The following ZMAT4 variants were observed in gnomAD, a reference collection of about 807,000 sequenced individuals.
ZMAT4 encodes the protein zinc finger matrin-type protein 4.
In ZMAT4, 17 loss-of-function variants were observed where a neutral mutation model predicts 28.7. That is an observed-to-expected ratio of 0.59 (90% CI 0.41 to 0.89). The LOEUF is 0.89. ZMAT4 is among the 40% of genes least tolerant of loss of function. The pLI, the probability that ZMAT4 is intolerant of heterozygous loss-of-function variation, is 0.00. For synonymous variants in ZMAT4, 117 were observed against 109.2 expected (o/e 1.07, Z -0.44); for missense variants, 240 against 283.8 (o/e 0.85, Z 1.11).
At chr8:40,789,304 G>A (rs763933488) in intron 2 of ZMAT4, among the ~76,000 whole-genome samples, 14 of 152,152 alleles carry the variant, frequency 9.2e-5, no homozygotes, top group Non-Finnish European at 1.5e-4. Flanking sequence ...GTGAAAGACT[G>A]AATGTTTTTT....
intron 6 of ZMAT4, among the ~76,000 whole-genome samples, chr8:40,554,804 G>A (rs1252168156): frequency 6.6e-6 from 1 of 152,126 alleles, no homozygotes; most frequent in Non-Finnish European, 1.5e-5. Flanking sequence ...ATTTCTATGT[G>A]TTGGTAATAT....
chr8:40,843,713 T>C (rs912434478), intron 1 of ZMAT4, among the ~76,000 whole-genome samples: 1 of 152,186 alleles, frequency 6.6e-6, no homozygotes, highest in Non-Finnish European at 1.5e-5. Context: ...GACTCAAGAA[T>C]CACACCTGAG....
At chr8:40,601,609 A>G (rs1416772073) in intron 5 of ZMAT4, among the ~76,000 whole-genome samples, 20 of 7,978 alleles carry the variant, frequency 2.5e-3, no homozygotes, top group African/African-American at 5.8e-3. Context: ...AAAGAAAGAA[A>G]GAAAGAAAGA....
intron 5 of ZMAT4, among the ~76,000 whole-genome samples, chr8:40,637,226 G>C (rs1165767306): frequency 6.6e-6 from 1 of 152,118 alleles, no homozygotes; most frequent in Non-Finnish European, 1.5e-5. Context: ...GAATGCCACA[G>C]TAATACAATC....
At chr8:40,761,523 A>G (rs574949893) in intron 3 of ZMAT4, among the ~76,000 whole-genome samples, 1 of 152,280 alleles carries the variant, frequency 6.6e-6, no homozygotes, top group African/African-American at 2.4e-5. Flanking sequence ...GCTTCCATCA[A>G]AAAATCACTT....
intron 2 of ZMAT4, among the ~76,000 whole-genome samples, chr8:40,793,483 T>C (rs183302613): frequency 9.8e-5 from 15 of 152,326 alleles, no homozygotes; most frequent in Admixed American, 7.2e-4. Flanking sequence ...CTTTCTTTCC[T>C]AATAGCATGA....
intron 3 of ZMAT4, among the ~76,000 whole-genome samples, chr8:40,712,417 T>A (rs578234462): frequency 1.1e-3 from 166 of 152,380 alleles, no homozygotes; most frequent in Non-Finnish European, 2.2e-3. Flanking sequence ...AGATTTGTAC[T>A]AACAAAATCG....
intron 5 of ZMAT4, among the ~76,000 whole-genome samples, chr8:40,618,294 G>A (rs1292326925): frequency 6.6e-6 from 1 of 152,214 alleles, no homozygotes; most frequent in Non-Finnish European, 1.5e-5. Flanking sequence ...CTGTTCTTCT[G>A]TAATGGGGTG....
chr8:40,559,487 A>G (rs1052947614), intron 6 of ZMAT4, among the ~76,000 whole-genome samples: 3 of 151,968 alleles, frequency 2.0e-5, no homozygotes, highest in Non-Finnish European at 2.9e-5. Context: ...CCTGTTAAAT[A>G]TGTGTACTTG....
At chr8:40,793,821 G>C (rs1366342443) in intron 2 of ZMAT4, among the ~76,000 whole-genome samples, 1 of 152,120 alleles carries the variant, frequency 6.6e-6, no homozygotes, top group Non-Finnish European at 1.5e-5. Context: ...AATTCCTCTT[G>C]TCACCTTCTT....
At chr8:40,717,174 C>T (rs1810893506) in intron 3 of ZMAT4, among the ~76,000 whole-genome samples, 1 of 152,124 alleles carries the variant, frequency 6.6e-6, no homozygotes, top group African/African-American at 2.4e-5. Context: ...ACCTTGCACA[C>T]AATGAAGGTC....
intron 3 of ZMAT4, among the ~76,000 whole-genome samples, chr8:40,762,826 G>A (rs932613156): frequency 6.6e-6 from 1 of 152,158 alleles, no homozygotes; most frequent in African/African-American, 2.4e-5. Context: ...ATAGCCACCA[G>A]AACTGCCAGA....
chr8:40,633,853 G>A (rs1490109456), intron 5 of ZMAT4, among the ~76,000 whole-genome samples: 1 of 152,236 alleles, frequency 6.6e-6, no homozygotes, highest in Non-Finnish European at 1.5e-5. Flanking sequence ...GTGAGTCCAT[G>A]TAAGCCAGGA....
At chr8:40,856,216 A>G (rs1035596494) in intron 1 of ZMAT4, among the ~76,000 whole-genome samples, 1 of 152,160 alleles carries the variant, frequency 6.6e-6, no homozygotes, top group Non-Finnish European at 1.5e-5. Context: ...ATGGGGAACC[A>G]TTAGGAAAGA....
At chr8:40,729,745 C>T (rs771604846) in intron 3 of ZMAT4, among the ~76,000 whole-genome samples, 1 of 152,030 alleles carries the variant, frequency 6.6e-6, no homozygotes, top group East Asian at 1.9e-4. Context: ...ACTACAGGCA[C>T]GTGCCACCAC....
intron 1 of ZMAT4, among the ~76,000 whole-genome samples, chr8:40,833,241 GA>G (rs34991782): frequency 1 from 151,295 of 151,562 alleles, 75,515 homozygotes; most frequent in Middle Eastern, 1. Context: ...ATTTAGAGGG[GA>G]AAAAAAAACA....
chr8:40,574,855 G>T (rs1248288276), intron 6 of ZMAT4, among the ~76,000 whole-genome samples: 1 of 152,194 alleles, frequency 6.6e-6, no homozygotes, highest in Non-Finnish European at 1.5e-5. Flanking sequence ...CAAGTCCTGA[G>T]CCCAGTTTGA....
chr8:40,765,676 C>T (rs1051182519), intron 3 of ZMAT4, among the ~76,000 whole-genome samples: 8 of 152,248 alleles, frequency 5.3e-5, no homozygotes, highest in Non-Finnish European at 7.3e-5. Flanking sequence ...TTGGCAGCAC[C>T]GGAGCTTGAT....
intron 1 of ZMAT4, chr8:40,884,560 C>T (rs1818390478): frequency 6.6e-6 from 1 of 152,400 alleles, no homozygotes; most frequent in African/African-American, 2.4e-5. Flanking sequence ...TTCATCAGCT[C>T]ATCCACGGCC....
Sources: allele counts gnomAD v4.1 joint callset (sites outside exome capture counted in the v4.1 genomes callset), GRCh38; gene constraint gnomAD v4.1.1; transcripts MANE v1.5; gene names NCBI Gene and HGNC (gene_info 2026-07-23, HGNC 2026-07-21).